ANKS1B: variants seen among roughly 807,000 people sequenced by gnomAD.
The protein encoded by ANKS1B is ankyrin repeat and sterile alpha motif domain-containing protein 1B.
Under a neutral mutation model 148.3 loss-of-function variants are expected in ANKS1B, and 36 were observed. That is an observed-to-expected ratio of 0.24 (90% CI 0.19 to 0.32). The LOEUF is 0.32. Ranked by LOEUF, ANKS1B falls within the 10% of genes least tolerant of loss-of-function variation. The pLI, the probability that ANKS1B is intolerant of heterozygous loss-of-function variation, is 1.00. For synonymous variants in ANKS1B, 542 were observed against 560.8 expected (o/e 0.97, Z 0.47); for missense variants, 1,157 against 1,542.6 (o/e 0.75, Z 4.19).
At chr12:98,967,630 A>AGG (rs2099879377) in intron 17 of ANKS1B, among the ~76,000 whole-genome samples, 1 of 47,226 alleles carries the variant, frequency 2.1e-5, no homozygotes. Context: ...GAGAGGGTAG[A>AGG]AGAGGGGAGG....
At chr12:98,762,563 C>T (rs1592983144) in intron 25 of ANKS1B, among the ~76,000 whole-genome samples, 2 of 152,226 alleles carry the variant, frequency 1.3e-5, no homozygotes, top group Non-Finnish European at 2.9e-5. Flanking sequence ...TCATCTATTA[C>T]AAAATGGATT....
intron 12 of ANKS1B, among the ~76,000 whole-genome samples, chr12:99,250,649 T>A (rs1183019658): frequency 6.6e-6 from 1 of 152,146 alleles, no homozygotes; most frequent in Non-Finnish European, 1.5e-5. Context: ...ACCAGGATCA[T>A]GAGCAATATT....
At chr12:99,298,819 A>G (rs945831010) in intron 12 of ANKS1B, among the ~76,000 whole-genome samples, 2 of 152,190 alleles carry the variant, frequency 1.3e-5, no homozygotes, top group African/African-American at 4.8e-5. Context: ...ATTAAAAACT[A>G]AGAATGGTTT....
At chr12:98,954,347 GA>G (rs2099858907) in intron 17 of ANKS1B, 1 of 152,004 alleles carries the variant, frequency 6.6e-6, no homozygotes, top group Admixed American at 6.5e-5. Flanking sequence ...TTTAAAGGAG[GA>G]AAAAACTCCC....
At chr12:99,313,155 A>G (rs2083428361) in intron 12 of ANKS1B, among the ~76,000 whole-genome samples, 1 of 152,238 alleles carries the variant, frequency 6.6e-6, no homozygotes, top group African/African-American at 2.4e-5. Context: ...CTATATGCAA[A>G]TAAACTAGAA....
At chr12:99,008,894 C>G (rs1382599730) in intron 17 of ANKS1B, among the ~76,000 whole-genome samples, 1 of 151,934 alleles carries the variant, frequency 6.6e-6, no homozygotes, top group Non-Finnish European at 1.5e-5. Context: ...CTTTCAAGTT[C>G]AGGGTGGCAG....
rs141460943 is a variant in ANKS1B, at chr12:98,924,238, G to A, written c.2779-92102C>T. On this transcript the variant is annotated intron_variant, in intron 17 of 26. Coordinates refer to ENST00000683438, the MANE Select transcript of ANKS1B (RefSeq NM_001352186.2). ...CTGCAACATCATTGCAAGATTAAAT[G>A]TGCCAATATTCTTGCTAAGTTACTA... 8.2e-3 allele frequency among the ~76,000 whole-genome samples: 1,253 copies of A among 152,322 alleles called. 17 individuals are homozygous for A. The highest frequency in any genetic ancestry group is 0.029 in the African/African-American group (1,187 of 41,562).
rs533102331 is a variant in ANKS1B, at chr12:99,672,863, G to A, written c.1129-17653C>T. On this transcript the variant is annotated intron_variant, in intron 8 of 26. Transcript: ENST00000683438. ...AACTTCAACACAGAAATATAAGCAG[G>A]AAATGATAAGAAAAGAAAAGGCTAA... Among the ~76,000 whole-genome samples the A allele has an allele frequency of 2.0e-5, 3 of 152,162 alleles. No individual in the cohort carries two copies. The South Asian group carries it at 6.2e-4, about 32-fold the overall frequency.
At chr12:98,873,457 T>C (rs982635211) in intron 17 of ANKS1B, among the ~76,000 whole-genome samples, 2 of 152,178 alleles carry the variant, frequency 1.3e-5, no homozygotes, top group Admixed American at 6.5e-5. Flanking sequence ...AGAGAAGTAT[T>C]AAGTGATATA....
chr12:98,986,142 A>T (rs1326846270), intron 17 of ANKS1B, among the ~76,000 whole-genome samples: 1 of 151,886 alleles, frequency 6.6e-6, no homozygotes, highest in East Asian at 1.9e-4. Flanking sequence ...TTTTGGCTGT[A>T]TGAAAGATTT....
intron 14 of ANKS1B, among the ~76,000 whole-genome samples, chr12:99,241,741 A>G (rs2089378282): frequency 6.6e-6 from 1 of 152,256 alleles, no homozygotes; most frequent in African/African-American, 2.4e-5. Context: ...AGGTTGGTTC[A>G]ACATACACAA....
chr12:98,820,534 CAG>C lies in ANKS1B; in HGVS notation c.3066+8638_3066+8639del, dbSNP rs563278802. On this transcript the variant is annotated intron_variant, in intron 19 of 26. Transcript: ENST00000683438. ...AAAGTAATTTGGTCAACAGTATTTA[CAG>C]AGTGTTTATTTTAGAGGAATTAAAA... Among the ~76,000 whole-genome samples, 15 of 152,272 alleles carry C rather than the reference CAG, an allele frequency of 9.9e-5. No individual in the cohort carries two copies. In the East Asian group the frequency reaches 2.9e-3, roughly 29 times the overall value.
chr12:99,189,542 T>C (rs1460278159), intron 14 of ANKS1B, among the ~76,000 whole-genome samples: 1 of 152,134 alleles, frequency 6.6e-6, no homozygotes, highest in Non-Finnish European at 1.5e-5. Flanking sequence ...GTTCAATATA[T>C]ATACAAATCA....
At chr12:99,013,736 C>T (rs2099940802) in intron 17 of ANKS1B, among the ~76,000 whole-genome samples, 1 of 152,040 alleles carries the variant, frequency 6.6e-6, no homozygotes, top group African/African-American at 2.4e-5. Context: ...AGCTGAGAGC[C>T]AAATCATGAA....
intron 17 of ANKS1B, among the ~76,000 whole-genome samples, chr12:98,879,047 A>G (rs1567458501): frequency 1.3e-5 from 2 of 152,218 alleles, no homozygotes; most frequent in African/African-American, 4.8e-5. Flanking sequence ...CTGTGAGGCC[A>G]TATTTAGCCA....
chr12:98,824,876 G>A (rs550395753), intron 19 of ANKS1B, among the ~76,000 whole-genome samples: 1 of 152,172 alleles, frequency 6.6e-6, no homozygotes, highest in South Asian at 2.1e-4. Context: ...TGTTAACCAC[G>A]AGTTGATTCA....
chr12:99,465,206 A>G (rs2096076800), intron 10 of ANKS1B, among the ~76,000 whole-genome samples: 1 of 152,224 alleles, frequency 6.6e-6, no homozygotes, highest in Non-Finnish European at 1.5e-5. Context: ...TTCATAAGTG[A>G]AGGAGAAATA....
intron 1 of ANKS1B, among the ~76,000 whole-genome samples, chr12:99,863,637 C>A (rs2090334343): frequency 6.6e-6 from 1 of 152,062 alleles, no homozygotes; most frequent in Middle Eastern, 3.4e-3. Context: ...ATTGCTTGAA[C>A]CCAGGAGACA....
intron 12 of ANKS1B, among the ~76,000 whole-genome samples, chr12:99,313,551 T>A (rs1264781918): frequency 1.3e-5 from 2 of 152,070 alleles, no homozygotes; most frequent in African/African-American, 4.8e-5. Flanking sequence ...CAGCAGCACA[T>A]CAAAAAGCTT....
Sources: gnomAD v4.1 joint callset for allele counts (sites outside exome capture counted in the v4.1 genomes callset) on GRCh38, gnomAD v4.1.1 for gene constraint, MANE v1.5 for transcripts, NCBI Gene and HGNC (gene_info 2026-07-23, HGNC 2026-07-21) for gene names.